EXT2: variants seen among roughly 807,000 people sequenced by gnomAD.
EXT2 encodes the protein exostosin-2.
In EXT2, 53 loss-of-function variants were observed where a neutral mutation model predicts 81.6. The observed-to-expected ratio is 0.65, with a 90% CI of 0.52 to 0.82. EXT2 has a LOEUF of 0.82. Among genes scored for constraint, EXT2 ranks in the 40% least tolerant of loss-of-function variants. The probability of loss-of-function intolerance (pLI) is 0.00; values close to 1 mark genes in which losing one functional copy is unlikely to be tolerated. For missense variants in EXT2, 774 were observed against 910.2 expected, an observed-to-expected ratio of 0.85 and a Z score of 1.93; for synonymous variants, 320 against 340.0, an observed-to-expected ratio of 0.94 and a Z score of 0.65.
At chr11:44,196,314 TCTTTTTAAAAAATTCA>T (rs1955455631) in intron 8 of EXT2, among the ~76,000 whole-genome samples, 1 of 152,194 alleles carries the variant, frequency 6.6e-6, no homozygotes. Context: ...TTTATTTTTG[TCTTTTTAAAAAATTCA>T]CTGTGCTGCT....
chr11:44,196,171 T>C (rs921053007), intron 8 of EXT2, among the ~76,000 whole-genome samples: 1 of 152,256 alleles, frequency 6.6e-6, no homozygotes, highest in African/African-American at 2.4e-5. Context: ...ACATTTCACA[T>C]TTAACTGATA....
intron 7 of EXT2, among the ~76,000 whole-genome samples, chr11:44,159,770 TGGGG>T (rs1477371850): frequency 6.6e-6 from 1 of 152,156 alleles, no homozygotes; most frequent in African/African-American, 2.4e-5. Flanking sequence ...TGGTATTGTG[TGGGG>T]GGAAGGACTG....
intron 4 of EXT2, among the ~76,000 whole-genome samples, chr11:44,119,843 C>G (rs1288599753): frequency 6.6e-6 from 1 of 152,184 alleles, no homozygotes; most frequent in Admixed American, 6.5e-5. Flanking sequence ...GTTGAGAAAC[C>G]CTGGGTGAGG....
intron 8 of EXT2, among the ~76,000 whole-genome samples, chr11:44,197,377 G>C (rs1955467411): frequency 6.6e-6 from 1 of 151,940 alleles, no homozygotes; most frequent in African/African-American, 2.4e-5. Flanking sequence ...TCCCCTCCTG[G>C]TAGGTGCCCA....
rs1165792130 is a variant in EXT2, at chr11:44,197,949, G to A, written c.1426G>A (p.Val476Met). The A allele has an allele frequency of 6.2e-7, 1 of 1,614,090 alleles. No individual in the cohort carries two copies. Among genetic ancestry groups the A allele is most frequent in the Non-Finnish European group, 8.5e-7 (1 of 1,179,988 alleles). Residue 476 changes from valine to methionine, a missense_variant, in exon 9 of 14, where the codon GTG becomes ATG. Coordinates refer to ENST00000533608, the MANE Select transcript of EXT2 (RefSeq NM_207122.2). Reference sequence around the variant, plus strand: ...GAGCCTCTTCCGGGTCATCACTGAAGTGTCCAAGGTGCCCAGTCTATCCAA... The same window carrying A: ...GAGCCTCTTCCGGGTCATCACTGAAATGTCCAAGGTGCCCAGTCTATCCAA... ...VESLFRVITE[V>M]SKVPSLSKLL... is the part of the protein sequence containing the mutation.
rs1051805324 is a variant in EXT2 at position 44,251,076 on chromosome 11, A to C, written c.*6789A>C. 6.6e-6 allele frequency among the ~76,000 whole-genome samples: 1 copy of C among 151,944 alleles called. No individual in the cohort carries two copies. Among genetic ancestry groups the C allele is most frequent in the Non-Finnish European group, 1.5e-5 (1 of 67,988 alleles). ...CTGTTTTCTGGATATAGTTCCAATA[A>C]TTTTTTTCCTAACAGCCTTTTTGTC... On this transcript the variant is annotated 3_prime_UTR_variant, in exon 14 of 14. Coordinates refer to ENST00000533608, the MANE Select transcript of EXT2 (RefSeq NM_207122.2).
intron 8 of EXT2, among the ~76,000 whole-genome samples, chr11:44,172,367 A>ATT (rs1205191458): frequency 6.6e-5 from 10 of 152,170 alleles, no homozygotes; most frequent in Non-Finnish European, 1.0e-4. Flanking sequence ...AAACTGTGGC[A>ATT]GTGGCTTCTA....
chr11:44,104,530 G>A (rs1266460292), intron 1 of EXT2: 2 of 152,164 alleles, frequency 1.3e-5, no homozygotes, highest in Admixed American at 1.3e-4. Context: ...ATATTCTGTG[G>A]CCCTATTTTA....
At chr11:44,205,668 C>A (rs1333896421) in intron 9 of EXT2, among the ~76,000 whole-genome samples, 1 of 152,206 alleles carries the variant, frequency 6.6e-6, no homozygotes, top group African/African-American at 2.4e-5. Flanking sequence ...ATTTTATCTG[C>A]AGTCAGTTAA....
chr11:44,166,800 G>A (rs1043335448), intron 7 of EXT2, among the ~76,000 whole-genome samples: 5 of 152,172 alleles, frequency 3.3e-5, no homozygotes, highest in African/African-American at 9.7e-5. Context: ...AAGCTGGAGA[G>A]ATCATATAGA....
intron 6 of EXT2, 130 bp downstream of exon 6, chr11:44,127,085 T>G: frequency 8.1e-7 from 1 of 1,237,476 alleles, no homozygotes; most frequent in Admixed American, 1.8e-5. Flanking sequence ...TATTTTCCAT[T>G]AGGAGAGTTA....
chr11:44,134,767 T>G (rs1210443761), intron 7 of EXT2, among the ~76,000 whole-genome samples: 4 of 152,182 alleles, frequency 2.6e-5, no homozygotes, highest in Non-Finnish European at 5.9e-5. Context: ...ATTCTTTTAT[T>G]GGTCAGTGGC....
intron 10 of EXT2, among the ~76,000 whole-genome samples, chr11:44,228,706 T>G (rs1402138199): frequency 1.3e-5 from 2 of 152,198 alleles, no homozygotes; most frequent in Non-Finnish European, 2.9e-5. Context: ...ACACCTCTGA[T>G]GCCTTTTAGA....
rs1362111035 is a variant in EXT2, at chr11:44,128,050, T to A, written c.1079+1095T>A. ...TCTTTTCCTTGCCTCAAATGCTTACTGGTTTTTTCCTCTCCCAACTTTTTT... is the reference window on the plus strand; with the variant it reads ...TCTTTTCCTTGCCTCAAATGCTTACAGGTTTTTTCCTCTCCCAACTTTTTT... On this transcript the variant is annotated intron_variant, in intron 6 of 13. Coordinates refer to ENST00000533608, the MANE Select transcript of EXT2 (RefSeq NM_207122.2). Among the ~76,000 whole-genome samples, 5 of 152,360 alleles carry A rather than the reference T, an allele frequency of 3.3e-5. 1 individual carries two copies. Among genetic ancestry groups the A allele is most frequent in the South Asian group, 4.1e-4 (2 of 4,830 alleles).
At chr11:44,206,747 C>T (rs1394562415) in intron 9 of EXT2, 46 bp from the exon 10 acceptor site, 1 of 1,606,920 alleles carries the variant, frequency 6.2e-7, no homozygotes, top group Non-Finnish European at 8.5e-7. Context: ...ACTTTATCTC[C>T]TCACAAAAGT....
chr11:44,152,984 T>C (rs1370423666), intron 7 of EXT2, among the ~76,000 whole-genome samples: 2 of 152,212 alleles, frequency 1.3e-5, no homozygotes, highest in Non-Finnish European at 2.9e-5. Flanking sequence ...TGTTCTTCAA[T>C]ATTGAGTTGC....
intron 10 of EXT2, among the ~76,000 whole-genome samples, chr11:44,226,995 C>T (rs1288946947): frequency 6.6e-6 from 1 of 152,208 alleles, no homozygotes; most frequent in Non-Finnish European, 1.5e-5. Flanking sequence ...TTCATGAGTC[C>T]TGATACATTG....
intron 9 of EXT2, among the ~76,000 whole-genome samples, chr11:44,200,835 T>C (rs997170950): frequency 3.9e-5 from 6 of 152,226 alleles, no homozygotes; most frequent in African/African-American, 1.4e-4. Context: ...AACCTGACCA[T>C]TTTTGTAGTA....
chr11:44,109,265 T>C lies in EXT2; in HGVS notation c.608T>C (p.Leu203Pro), dbSNP rs1270292024. ...GGTCCCCCAGATTATAACACAGCCC[T>C]GGATGTCCCCAGAGACAGGTAGGAG... Reference protein sequence around the residue: ...PGGPPDYNTALDVPRDRALLA... With the variant: ...PGGPPDYNTAPDVPRDRALLA... The change falls in exon 3 of 14, where the codon CTG becomes CCG. Residue 203 changes from leucine (L) to proline (P), a missense_variant. Leu to Pro is a moderately conservative substitution (Grantham distance 98, BLOSUM62 -3). Around this residue, in one of 2 missense-constraint regions of EXT2, gnomAD observed 626 missense variants for 670.5 expected, o/e 0.93. Coordinates refer to ENST00000533608, the MANE Select transcript of EXT2 (RefSeq NM_207122.2). The C allele has an allele frequency of 6.2e-7, 1 of 1,614,144 alleles. No individual in the cohort carries two copies. The highest frequency in any genetic ancestry group is 2.2e-5 in the East Asian group (1 of 44,882).
Sources: gnomAD v4.1 joint callset for allele counts (sites outside exome capture counted in the v4.1 genomes callset) on GRCh38, gnomAD v4.1.1 for gene constraint, gnomAD v4.1.1 regional missense constraint, MANE v1.5 for transcripts, NCBI Gene and HGNC (gene_info 2026-07-23, HGNC 2026-07-21) for gene names.